Variants in PANX1 observed in about 807,000 individuals in gnomAD.
PANX1 encodes the protein pannexin-1.
PANX1 carries 30 observed loss-of-function variants against 38.7 expected under a neutral mutation model. That is an observed-to-expected ratio of 0.78 (90% CI 0.58 to 1.05). The LOEUF is 1.05. Among genes scored for constraint, PANX1 ranks in the 50% least tolerant of loss-of-function variants. The probability of loss-of-function intolerance (pLI) is 0.00; values close to 1 mark genes in which losing one functional copy is unlikely to be tolerated. For missense variants in PANX1, 551 were observed against 517.2 expected, an observed-to-expected ratio of 1.07 and a Z score of -0.63; for synonymous variants, 230 against 212.2, an observed-to-expected ratio of 1.08 and a Z score of -0.73.
At chr11:94,132,853 A>G (rs1946646812) in intron 1 of PANX1, among the ~76,000 whole-genome samples, 1 of 152,144 alleles carries the variant, frequency 6.6e-6, no homozygotes, top group East Asian at 1.9e-4. Flanking sequence ...ATGATTTTTT[A>G]CTTTAAAGAA....
chr11:94,147,370 C>T (rs978907761), intron 1 of PANX1, among the ~76,000 whole-genome samples: 2 of 151,988 alleles, frequency 1.3e-5, no homozygotes, highest in Non-Finnish European at 2.9e-5. Context: ...TTCCCTGGTA[C>T]CCAGGTCATG....
chr11:94,171,309 C>G (rs183244467), intron 2 of PANX1, among the ~76,000 whole-genome samples: 101 of 151,768 alleles, frequency 6.7e-4, no homozygotes, highest in Non-Finnish European at 1.1e-3. Context: ...CTCCTGCCCT[C>G]CAAGGCCTTC....
At chr11:94,142,799 G>T (rs1171581703) in intron 1 of PANX1, among the ~76,000 whole-genome samples, 1 of 152,234 alleles carries the variant, frequency 6.6e-6, no homozygotes, top group Non-Finnish European at 1.5e-5. Context: ...GTTGAGCTGA[G>T]TGCCTTAGGG....
chr11:94,165,985 A>G (rs183053044), intron 2 of PANX1, among the ~76,000 whole-genome samples: 4 of 152,280 alleles, frequency 2.6e-5, no homozygotes, highest in Non-Finnish European at 4.4e-5. Flanking sequence ...TAAACTGAAG[A>G]TAACTTAATT....
chr11:94,146,824 G>A (rs1946833108), intron 1 of PANX1, among the ~76,000 whole-genome samples: 1 of 152,204 alleles, frequency 6.6e-6, no homozygotes, highest in African/African-American at 2.4e-5. Context: ...GATCCTGCTT[G>A]GATGAAAACA....
At chr11:94,131,628 T>C (rs182205052) in intron 1 of PANX1, among the ~76,000 whole-genome samples, 71 of 152,328 alleles carry the variant, frequency 4.7e-4, no homozygotes, top group Admixed American at 3.9e-3. Flanking sequence ...TCCCATGTTT[T>C]CTGAAGTGTT....
In PANX1 at chr11:94,178,397, C is replaced by A. The variant is rs184999372; in HGVS notation, c.350C>A (p.Ala117Glu). ...TTCCCCTACATCCTGCTGCTCTTTG[C>A]GATCCTCCTGTACCTGCCCCCGCTG... The part of the protein sequence containing the change: ...KFFPYILLLF[A>E]ILLYLPPLFW... Residue 117 changes from alanine to glutamate, a missense_variant, in exon 3 of 5, where the codon GCG (alanine) becomes GAG (glutamate). By Grantham distance (107) the Ala-to-Glu change is moderately radical. Coordinates refer to ENST00000227638, the MANE Select transcript of PANX1 (RefSeq NM_015368.4). 2 of 1,613,912 alleles carry A rather than the reference C, an allele frequency of 1.2e-6. No individual in the cohort carries two copies. Among genetic ancestry groups the A allele is most frequent in the Non-Finnish European group, 1.7e-6 (2 of 1,179,852 alleles).
chr11:94,128,954 G>A lies in PANX1; in HGVS notation c.-359G>A. ...GGCGGCGCGGAGGGGCAGGGCCAGA[G>A]GGAAGCGCTTTGTTCCGCGCGTGGT... On this transcript the variant is annotated 5_prime_UTR_variant, in exon 1 of 5. Transcript: ENST00000227638. 1 of 172,220 alleles carries A rather than the reference G, an allele frequency of 5.8e-6. No homozygotes were observed. Among genetic ancestry groups the A allele is most frequent in the Non-Finnish European group, 1.2e-5 (1 of 81,854 alleles). 10.7% of individuals were successfully genotyped at this position (172,220 alleles called of 1,614,324 possible).
At chr11:94,140,723 C>T (rs757565606) in intron 1 of PANX1, among the ~76,000 whole-genome samples, 3 of 152,078 alleles carry the variant, frequency 2.0e-5, no homozygotes, top group Admixed American at 1.3e-4. Flanking sequence ...CCTTTACACC[C>T]TTAAAATTTC....
In PANX1 at chr11:94,153,488, T is replaced by C; in HGVS notation, c.182-3T>C. The C allele has an allele frequency of 6.2e-7, 1 of 1,614,048 alleles. No homozygotes were observed. The highest frequency in any genetic ancestry group is 8.5e-7 in the Non-Finnish European group (1 of 1,179,940). ...ATTGGAAACTATCTGTTTTGCTTCT[T>C]AGGTACACAGATAAGCTGTTTCTCT... is the stretch of plus-strand genomic sequence containing the variant. On this transcript the variant is annotated splice_region_variant and splice_polypyrimidine_tract_variant and intron_variant, in intron 1 of 4. Transcript: ENST00000227638.
At chr11:94,137,867 T>TATCTTGGTCTG in intron 1 of PANX1, among the ~76,000 whole-genome samples, 1 of 132,748 alleles carries the variant, frequency 7.5e-6, no homozygotes, top group Non-Finnish European at 1.6e-5. Context: ...ACTACTATTC[T>TATCTTGGTCTG]TGAAAAACCA....
In PANX1 at chr11:94,129,404, A is replaced by C. The variant is rs781284315; in HGVS notation, c.92A>C (p.Glu31Ala). Reference sequence around the variant, plus strand: ...CCCAAGTTCAAGGGGCTGCGACTGGAGCTGGCTGTGGACAAGATGGTCACG... The same window carrying C: ...CCCAAGTTCAAGGGGCTGCGACTGGCGCTGGCTGTGGACAAGATGGTCACG... ...TEPKFKGLRL[E>A]LAVDKMVTCI... Residue 31 changes from glutamate to alanine, a missense_variant, in exon 1 of 5, where the codon GAG becomes GCG. By Grantham distance (107) the Glu-to-Ala change is moderately radical. Coordinates refer to ENST00000227638, the MANE Select transcript of PANX1 (RefSeq NM_015368.4). 2 of 1,613,924 alleles carry C rather than the reference A, an allele frequency of 1.2e-6. No individual in the cohort carries two copies. The highest frequency in any genetic ancestry group is 2.7e-5 in the African/African-American group (2 of 74,908).
chr11:94,171,071 C>T (rs1947161006), intron 2 of PANX1, among the ~76,000 whole-genome samples: 1 of 151,612 alleles, frequency 6.6e-6, no homozygotes, highest in Non-Finnish European at 1.5e-5. Flanking sequence ...GTCATTCTCC[C>T]AGTCACCCCT....
chr11:94,176,838 C>A (rs960477774), intron 2 of PANX1, among the ~76,000 whole-genome samples: 1 of 151,640 alleles, frequency 6.6e-6, no homozygotes, highest in Non-Finnish European at 1.5e-5. Flanking sequence ...CTCTCACTTA[C>A]CAGCTTTGTG....
At chr11:94,154,151 T>C (rs60818592) in intron 2 of PANX1, among the ~76,000 whole-genome samples, 8,445 of 152,190 alleles carry the variant, frequency 0.055, 805 homozygotes, top group African/African-American at 0.19. Context: ...TGTAGCACTG[T>C]TTTTGGAATG....
At chr11:94,157,423 G>A (rs559598441) in intron 2 of PANX1, among the ~76,000 whole-genome samples, 202 of 151,976 alleles carry the variant, frequency 1.3e-3, no homozygotes, top group African/African-American at 3.4e-3. Flanking sequence ...TTTAATGATC[G>A]CCATTCTAAC....
rs750676655 is a variant in PANX1, at chr11:94,153,533, G to C, written c.224G>C (p.Arg75Pro). ...SCFSPSSFSW[R>P]QAAFVDSYCW... Reference sequence around the variant, plus strand: ...TTCTCTCCAAGTTCTTTCTCCTGGCGTCAGGCTGCCTTTGTGGATTCATAT... The same window carrying C: ...TTCTCTCCAAGTTCTTTCTCCTGGCCTCAGGCTGCCTTTGTGGATTCATAT... The change falls in exon 2 of 5, where the codon CGT becomes CCT. Residue 75 changes from arginine (R) to proline (P), a missense_variant. Arg to Pro is a moderately radical substitution (Grantham distance 103). Coordinates refer to ENST00000227638, the MANE Select transcript of PANX1 (RefSeq NM_015368.4). 8 of 1,613,988 alleles carry C rather than the reference G, an allele frequency of 5.0e-6. No individual in the cohort carries two copies. The African/African-American group carries it at 8.0e-5, about 16-fold the overall frequency.
intron 1 of PANX1, among the ~76,000 whole-genome samples, chr11:94,151,986 C>A (rs991835404): frequency 2.0e-5 from 3 of 152,152 alleles, no homozygotes; most frequent in African/African-American, 7.2e-5. Context: ...AAAACATCTC[C>A]ATCACTTCTC....
At chr11:94,178,299 C>T in intron 2 of PANX1, 70 bp from the exon 3 acceptor site, 1 of 1,143,138 alleles carries the variant, frequency 8.7e-7, no homozygotes, top group Non-Finnish European at 1.3e-6. Flanking sequence ...AAAATGAGAG[C>T]ATCACTTGGC....
Sources: allele counts gnomAD v4.1 joint callset (sites outside exome capture counted in the v4.1 genomes callset), GRCh38; gene constraint gnomAD v4.1.1; transcripts MANE v1.5; gene names NCBI Gene and HGNC (gene_info 2026-07-23, HGNC 2026-07-21).